CACNA1E: variants seen among roughly 807,000 people sequenced by gnomAD.
CACNA1E encodes the protein voltage-dependent R-type calcium channel subunit alpha-1E.
In CACNA1E, 40 loss-of-function variants were observed where a neutral mutation model predicts 259.2. The observed-to-expected ratio is 0.15, with a 90% CI of 0.12 to 0.20. The LOEUF (loss-of-function observed/expected upper bound fraction) is 0.20, where lower values mean the gene tolerates loss of function less well. Ranked by LOEUF, CACNA1E falls within the 10% of genes least tolerant of loss-of-function variation. The probability of loss-of-function intolerance (pLI) is 1.00; values close to 1 mark genes in which losing one functional copy is unlikely to be tolerated. For missense variants in CACNA1E, 1,874 were observed against 3,040.1 expected, an observed-to-expected ratio of 0.62 and a Z score of 9.02; for synonymous variants, 1,104 against 1,138.5, an observed-to-expected ratio of 0.97 and a Z score of 0.61.
chr1:181,774,265 T>C (rs1434650846), intron 37 of CACNA1E, among the ~76,000 whole-genome samples: 1 of 152,228 alleles, frequency 6.6e-6, no homozygotes, highest in East Asian at 1.9e-4. Context: ...CCGAAAAGTA[T>C]ACAAAAGAAA....
Position 181,664,469 on chromosome 1 carries a change from G to A in CACNA1E, c.1055+13028G>A, listed in dbSNP as rs530776419. On this transcript the variant is annotated intron_variant, in intron 7 of 47. Transcript: ENST00000367573. ...TTATGTAATATTACCCCCATTTTAG[G>A]ACTTTATTATTAGGAAGAAGTACAA... Among the ~76,000 whole-genome samples, 5 of 152,206 alleles carry A rather than the reference G, an allele frequency of 3.3e-5. No homozygotes were observed. The South Asian group carries it at 1.0e-3, about 32-fold the overall frequency.
chr1:181,587,831 C>T (rs1652231540), intron 6 of CACNA1E, among the ~76,000 whole-genome samples: 1 of 152,106 alleles, frequency 6.6e-6, no homozygotes, highest in Admixed American at 6.5e-5. Flanking sequence ...TGCAGTGAGC[C>T]GAGATAGCGC....
chr1:181,675,731 C>G (rs566286833), intron 7 of CACNA1E, among the ~76,000 whole-genome samples: 1 of 152,218 alleles, frequency 6.6e-6, no homozygotes, highest in Admixed American at 6.5e-5. Flanking sequence ...TTGTCACCCT[C>G]TGTGTGTTGG....
At chr1:181,652,683 T>C (rs1042323609) in intron 7 of CACNA1E, among the ~76,000 whole-genome samples, 2 of 152,100 alleles carry the variant, frequency 1.3e-5, no homozygotes, top group Non-Finnish European at 1.5e-5. Context: ...AAAGGACTGA[T>C]GCAAAGTCCT....
chr1:181,380,182 A>G (rs1655365604), intron 1 of CACNA1E, among the ~76,000 whole-genome samples: 1 of 151,846 alleles, frequency 6.6e-6, no homozygotes, highest in South Asian at 2.1e-4. Flanking sequence ...AAACTTATCA[A>G]TAAATACCGC....
intron 2 of CACNA1E, among the ~76,000 whole-genome samples, chr1:181,441,230 C>T (rs1429454555): frequency 6.6e-6 from 1 of 152,172 alleles, no homozygotes; most frequent in Non-Finnish European, 1.5e-5. Flanking sequence ...TCACTGCAAC[C>T]TCCAGTTCCC....
rs980503804 is a variant in CACNA1E at position 181,799,127 on chromosome 1, G to A, written c.*293G>A. 1.4e-5 allele frequency: 4 copies of A among 282,444 alleles called. No individual in the cohort carries two copies. The highest frequency in any genetic ancestry group is 6.5e-5 in the African/African-American group (3 of 45,836). The allele number at this position is 282,444 out of a possible 1,614,324, so 17.5% of individuals were successfully genotyped here. On this transcript the variant is annotated 3_prime_UTR_variant, in exon 48 of 48. Coordinates refer to ENST00000367573, the MANE Select transcript of CACNA1E (RefSeq NM_001205293.3). ...GGAGAAGGGACACGAGGATGGCTTTGCTTCCCCTTGCCCCTTCCCACTTTT... is the reference window on the plus strand; with the variant it reads ...GGAGAAGGGACACGAGGATGGCTTTACTTCCCCTTGCCCCTTCCCACTTTT...
chr1:181,557,047 G>T (rs1648801823), intron 3 of CACNA1E, among the ~76,000 whole-genome samples: 2 of 152,162 alleles, frequency 1.3e-5, no homozygotes, highest in South Asian at 4.1e-4. Flanking sequence ...CCTTGGCCCT[G>T]GGAGAAGGGA....
At chr1:181,769,947 C>G (rs1659357717) in intron 35 of CACNA1E, among the ~76,000 whole-genome samples, 1 of 152,104 alleles carries the variant, frequency 6.6e-6, no homozygotes, top group Non-Finnish European at 1.5e-5. Context: ...CTTTGGGGCC[C>G]TCTAGCTGCT....
chr1:181,610,610 G>A (rs1053939379), intron 6 of CACNA1E, among the ~76,000 whole-genome samples: 1 of 152,186 alleles, frequency 6.6e-6, no homozygotes, highest in African/African-American at 2.4e-5. Flanking sequence ...CAGGCCTTGT[G>A]AATTTGATCA....
At chr1:181,556,936 TC>T (rs1307027311) in intron 3 of CACNA1E, among the ~76,000 whole-genome samples, 1 of 152,154 alleles carries the variant, frequency 6.6e-6, no homozygotes, top group Non-Finnish European at 1.5e-5. Flanking sequence ...GTACTTTCTC[TC>T]CCTCCCTTTT....
Position 181,732,679 on chromosome 1 carries a change from A to T in CACNA1E, c.2593A>T (p.Ser865Cys). The T allele has an allele frequency of 6.5e-7, 1 of 1,528,318 alleles. No homozygotes were observed. The highest frequency in any genetic ancestry group is 8.8e-7 in the Non-Finnish European group (1 of 1,140,098). The allele number at this position is 1,528,318 out of a possible 1,614,324, so 94.7% of individuals were successfully genotyped here. ...SLKGDGGDRSSALDNQRTPLS... is the reference protein window; with the variant it reads ...SLKGDGGDRSCALDNQRTPLS... Reference sequence around the variant, plus strand: ...CAAGGGGGATGGAGGGGACCGATCCAGTGCCCTGGACAACCAGAGGACCCC... The same window carrying T: ...CAAGGGGGATGGAGGGGACCGATCCTGTGCCCTGGACAACCAGAGGACCCC... Residue 865 changes from serine to cysteine, a missense_variant, in exon 20 of 48, where the codon AGT (serine) becomes TGT (cysteine). Transcript: ENST00000367573. This position sits in a 1 kb window ranked among gnomAD's most constrained non-coding sequence, Gnocchi z 5.5.
intron 6 of CACNA1E, among the ~76,000 whole-genome samples, chr1:181,581,907 C>A (rs1022749438): frequency 6.6e-6 from 1 of 152,126 alleles, no homozygotes; most frequent in African/African-American, 2.4e-5. Flanking sequence ...TAGCCTGATT[C>A]TATCTGTATA....
intron 8 of CACNA1E, among the ~76,000 whole-genome samples, chr1:181,711,587 A>G (rs1434887429): frequency 6.6e-6 from 1 of 152,222 alleles, no homozygotes; most frequent in Non-Finnish European, 1.5e-5. Context: ...GGTAAATATG[A>G]TGGGAAAACT....
intron 18 of CACNA1E, among the ~76,000 whole-genome samples, chr1:181,728,277 G>T (rs1442871200): frequency 6.6e-6 from 1 of 152,156 alleles, no homozygotes; most frequent in Non-Finnish European, 1.5e-5. Flanking sequence ...ATGTGAGTTG[G>T]GACAACGCTT....
At chr1:181,324,756 G>A (rs1488529350) in intron 1 of CACNA1E, among the ~76,000 whole-genome samples, 1 of 152,150 alleles carries the variant, frequency 6.6e-6, no homozygotes, top group Non-Finnish European at 1.5e-5. Context: ...GGAGAGTGGA[G>A]GTTCCCTGGG....
rs137863777 is a variant in CACNA1E, at chr1:181,657,093, A to C, written c.1055+5652A>C. Among the ~76,000 whole-genome samples, 367 of 152,384 alleles carry C rather than the reference A, an allele frequency of 2.4e-3. 2 individuals carry two copies. Among genetic ancestry groups the C allele is most frequent in the Non-Finnish European group, 4.3e-3 (294 of 68,038 alleles). On this transcript the variant is annotated intron_variant, in intron 7 of 47. Transcript: ENST00000367573. Reference sequence around the variant, plus strand: ...TTTGTATATACACACATACACAAAAAAACACTCTAAGCATTTAATTCCATG... The same window carrying C: ...TTTGTATATACACACATACACAAAACAACACTCTAAGCATTTAATTCCATG...
intron 35 of CACNA1E, among the ~76,000 whole-genome samples, chr1:181,770,809 T>C (rs1659435884): frequency 6.6e-6 from 1 of 152,152 alleles, no homozygotes; most frequent in South Asian, 2.1e-4. Flanking sequence ...CCTGATCTGC[T>C]TGTAAATTGC....
chr1:181,796,534 G>A (rs76333943), intron 46 of CACNA1E, 134 bp from the exon 47 acceptor site: 9 of 580,110 alleles, frequency 1.6e-5, no homozygotes, highest in South Asian at 5.7e-5. Flanking sequence ...TTGAATTTGG[G>A]GGGGGACACA....
Sources: gnomAD v4.1 joint callset for allele counts (sites outside exome capture counted in the v4.1 genomes callset) on GRCh38, gnomAD v4.1.1 for gene constraint, Gnocchi (gnomAD v3.1) non-coding constraint, MANE v1.5 for transcripts, NCBI Gene and HGNC (gene_info 2026-07-23, HGNC 2026-07-21) for gene names.